Variants in RABGAP1L observed in about 807,000 individuals in gnomAD.
The protein encoded by RABGAP1L is rab GTPase-activating protein 1-like.
A neutral mutation model predicts 137.7 loss-of-function variants in RABGAP1L; 63 were observed. That is an observed-to-expected ratio of 0.46 (90% CI 0.37 to 0.56). RABGAP1L has a LOEUF of 0.56. Ranked by LOEUF, RABGAP1L falls within the 20% of genes least tolerant of loss-of-function variation. RABGAP1L has a pLI of 0.00. For missense variants in RABGAP1L, 1,095 were observed against 1,244.0 expected, an observed-to-expected ratio of 0.88 and a Z score of 1.80; for synonymous variants, 431 against 433.7, an observed-to-expected ratio of 0.99 and a Z score of 0.08.
chr1:174,180,992 G>A (rs1171805693), intron 1 of RABGAP1L, among the ~76,000 whole-genome samples: 3 of 152,072 alleles, frequency 2.0e-5, no homozygotes, highest in Non-Finnish European at 4.4e-5. Flanking sequence ...ATTCACAGAC[G>A]AGAAAACAGA....
intron 11 of RABGAP1L, among the ~76,000 whole-genome samples, chr1:174,368,522 T>A (rs1684838908): frequency 6.6e-6 from 1 of 152,230 alleles, no homozygotes; most frequent in Admixed American, 6.5e-5. Flanking sequence ...TTCATTGTTT[T>A]AATTTGCATT....
chr1:174,848,813 G>A (rs1301616738), intron 19 of RABGAP1L, among the ~76,000 whole-genome samples: 9 of 151,112 alleles, frequency 6.0e-5, no homozygotes, highest in Admixed American at 2.6e-4. Flanking sequence ...AATGGCGGGC[G>A]CCCCTCCCCC....
chr1:174,590,299 T>C (rs1168222010), intron 13 of RABGAP1L, among the ~76,000 whole-genome samples: 1 of 151,026 alleles, frequency 6.6e-6, no homozygotes, highest in African/African-American at 2.4e-5. Flanking sequence ...TATTTTTTAA[T>C]ACCTCCTTTG....
At position 174,576,705 on chromosome 1, in the gene RABGAP1L, C is replaced by T. The variant is rs547106603; in HGVS notation, c.1711-60670C>T. ...TTCCCTGAGAGCTCACCTGATATAT[C>T]ACACTGCTGAAACTGAGCTAGATCT... On this transcript the variant is annotated intron_variant, in intron 13 of 25. Transcript: ENST00000681986. Among the ~76,000 whole-genome samples the T allele has an allele frequency of 2.0e-5, 3 of 152,254 alleles. No homozygotes were observed. The East Asian group carries it at 5.8e-4, about 29-fold the overall frequency.
In RABGAP1L at chr1:174,620,744, C is replaced by A. The variant is rs948494738; in HGVS notation, c.1711-16631C>A. ...AAAGAACTAGAGAAGCAAGATGAAA[C>A]ACATTCAAAAGCTAGCGGAAGGCAA... is the stretch of plus-strand genomic sequence containing the variant. On this transcript the variant is annotated intron_variant, in intron 13 of 25. Transcript: ENST00000681986. Among the ~76,000 whole-genome samples the A allele has an allele frequency of 2.6e-5, 4 of 152,068 alleles. No individual in the cohort carries two copies. The South Asian group carries it at 8.3e-4, about 32-fold the overall frequency.
At chr1:174,706,026 A>G (rs1444604647) in intron 17 of RABGAP1L, among the ~76,000 whole-genome samples, 2 of 152,184 alleles carry the variant, frequency 1.3e-5, no homozygotes, top group Non-Finnish European at 2.9e-5. Context: ...CTGATTTTTA[A>G]CATGTGCAAC....
chr1:174,440,436 A>G (rs910446363), intron 13 of RABGAP1L, among the ~76,000 whole-genome samples: 13 of 152,356 alleles, frequency 8.5e-5, no homozygotes, highest in African/African-American at 3.1e-4. Context: ...TGCTAGGGTA[A>G]TGATAGTGAA....
chr1:174,680,353 C>A (rs555707829), intron 14 of RABGAP1L, among the ~76,000 whole-genome samples: 1 of 152,298 alleles, frequency 6.6e-6, no homozygotes, highest in South Asian at 2.1e-4. Flanking sequence ...TCTTGTTTGC[C>A]CCTTCCACTA....
In RABGAP1L at chr1:174,445,945, C is replaced by T. The variant is rs532218779; in HGVS notation, c.1710+51800C>T. Among the ~76,000 whole-genome samples the T allele has an allele frequency of 2.6e-4, 39 of 152,224 alleles. 1 individual carries two copies. In the South Asian group the frequency reaches 4.4e-3, roughly 17 times the overall value. On this transcript the variant is annotated intron_variant, in intron 13 of 25. Transcript: ENST00000681986. ...TTTGTCAGTCTTGATCGGAGCTTGC[C>T]GAGTAAGTCTATAAGCCTGCATGTG...
chr1:174,874,647 A>G (rs1652793421), intron 19 of RABGAP1L: 2 of 328,344 alleles, frequency 6.1e-6, no homozygotes, highest in African/African-American at 2.5e-5. Flanking sequence ...GCAGACACTC[A>G]GGTGTAAACA....
At chr1:174,301,214 C>T (rs1245229056) in intron 10 of RABGAP1L, among the ~76,000 whole-genome samples, 3 of 151,944 alleles carry the variant, frequency 2.0e-5, no homozygotes, top group African/African-American at 7.2e-5. Flanking sequence ...CTGGACTAGG[C>T]ATGTCTCAAG....
chr1:174,743,402 G>A (rs1014122571), intron 17 of RABGAP1L, among the ~76,000 whole-genome samples: 1 of 152,124 alleles, frequency 6.6e-6, no homozygotes, highest in South Asian at 2.1e-4. Context: ...GACCAAAAAC[G>A]TCAATTTCTA....
At chr1:174,946,756 C>T (rs1666826029) in intron 19 of RABGAP1L, among the ~76,000 whole-genome samples, 1 of 151,014 alleles carries the variant, frequency 6.6e-6, no homozygotes, top group African/African-American at 2.4e-5. Context: ...CAAAAATTAG[C>T]CAAGTGTGGT....
chr1:174,468,139 T>C (rs1657510976), intron 13 of RABGAP1L, among the ~76,000 whole-genome samples: 1 of 152,128 alleles, frequency 6.6e-6, no homozygotes, highest in Admixed American at 6.5e-5. Flanking sequence ...ATTGCTTTTG[T>C]TTACTTATTT....
chr1:174,827,506 T>A (rs1691702369), intron 19 of RABGAP1L, among the ~76,000 whole-genome samples: 1 of 122,328 alleles, frequency 8.2e-6, no homozygotes, highest in African/African-American at 2.8e-5. Context: ...AGTAACTGAG[T>A]GCGCATTTCT....
At chr1:174,834,717 T>G (rs1433690750) in intron 19 of RABGAP1L, among the ~76,000 whole-genome samples, 1 of 152,086 alleles carries the variant, frequency 6.6e-6, no homozygotes, top group East Asian at 1.9e-4. Context: ...CAATTATATT[T>G]TTATATGCAA....
chr1:174,589,213 A>G (rs1669362662), intron 13 of RABGAP1L, among the ~76,000 whole-genome samples: 1 of 152,174 alleles, frequency 6.6e-6, no homozygotes, highest in Admixed American at 6.5e-5. Context: ...GATGTTGAGC[A>G]CTTTTTTATA....
chr1:174,618,076 G>A (rs1439141857), intron 13 of RABGAP1L, among the ~76,000 whole-genome samples: 1 of 152,198 alleles, frequency 6.6e-6, no homozygotes, highest in African/African-American at 2.4e-5. Flanking sequence ...AAACTGCAAG[G>A]CAGCAGCGAG....
intron 19 of RABGAP1L, among the ~76,000 whole-genome samples, chr1:174,837,887 G>A (rs527475652): frequency 6.6e-6 from 1 of 152,124 alleles, no homozygotes; most frequent in Non-Finnish European, 1.5e-5. Context: ...AAAATCTTTT[G>A]TCTGTGTGGT....
Sources: gnomAD v4.1 joint callset for allele counts (sites outside exome capture counted in the v4.1 genomes callset) on GRCh38, gnomAD v4.1.1 for gene constraint, MANE v1.5 for transcripts, NCBI Gene and HGNC (gene_info 2026-07-23, HGNC 2026-07-21) for gene names.